Variants in C16orf96 observed in about 807,000 individuals in gnomAD.
The protein encoded by C16orf96 is chromosome 16 open reading frame 96.
Under a neutral mutation model 103.6 loss-of-function variants are expected in C16orf96, and 108 were observed. That is an observed-to-expected ratio of 1.04 (90% CI 0.89 to 1.22). C16orf96 has a LOEUF of 1.22. Ranked by LOEUF, C16orf96 falls within the 50% of genes most tolerant of loss-of-function variation. C16orf96 has a pLI of 0.00. For missense variants in C16orf96, 1,586 were observed against 1,464.2 expected (o/e 1.08, Z -1.36); for synonymous variants, 566 against 593.5 (o/e 0.95, Z 0.67).
chr16:4,553,692 C>G (rs977639361), upstream of C16orf96, among the ~76,000 whole-genome samples: 13 of 152,094 alleles, frequency 8.5e-5, no homozygotes, highest in Non-Finnish European at 1.6e-4. Flanking sequence ...TCAGGCTGCT[C>G]TCCAACTCCT....
chr16:4,585,959 A>T (rs1896918701), intron 7 of C16orf96, among the ~76,000 whole-genome samples: 1 of 152,150 alleles, frequency 6.6e-6, no homozygotes, highest in Non-Finnish European at 1.5e-5. Context: ...AGAGGGAAGG[A>T]TAGAAAACTA....
At position 4,592,293 on chromosome 16, in the gene C16orf96, T is replaced by C. The variant is rs967182185; in HGVS notation, c.2712-12T>C. 1 of 1,551,578 alleles carries C rather than the reference T, an allele frequency of 6.4e-7. No homozygotes were observed. Among genetic ancestry groups the C allele is most frequent in the Non-Finnish European group, 8.7e-7 (1 of 1,146,970 alleles). ...CAGCAGGGGCAGCGGCTGATGATCA[T>C]GTGCCTTTCAGGAAGCTGTTCAAGC... On this transcript the variant is annotated splice_polypyrimidine_tract_variant and intron_variant, in intron 10 of 15. Coordinates refer to ENST00000444310, the MANE Select transcript of C16orf96 (RefSeq NM_001145011.2).
intron 5 of C16orf96, among the ~76,000 whole-genome samples, chr16:4,576,912 C>T (rs564054081): frequency 5.3e-5 from 8 of 152,290 alleles, no homozygotes; most frequent in Admixed American, 4.6e-4. Flanking sequence ...ACTCTTGTGG[C>T]CAGGCGTGGT....
At chr16:4,559,309 G>A (rs1037840570) in intron 1 of C16orf96, among the ~76,000 whole-genome samples, 4 of 152,014 alleles carry the variant, frequency 2.6e-5, no homozygotes, top group Admixed American at 6.6e-5. Context: ...TTGGGAGGCC[G>A]AGGCAGGTGG....
At chr16:4,592,413 G>A in intron 11 of C16orf96, 46 bp downstream of exon 11, 3 of 1,547,742 alleles carry the variant, frequency 1.9e-6, no homozygotes, top group Non-Finnish European at 2.6e-6. Flanking sequence ...GGCTTGTGGG[G>A]CCCATGGAGG....
chr16:4,600,124 G>T lies in C16orf96; in HGVS notation c.3233G>T (p.Cys1078Phe). ...CPPLCPRSSA[C>F]SAASGPHLTM... ...GCCCTGTGCCCCCGCTCCAGTGCCT[G>T]CTCAGCTGCCTCGGGCCCTCACCTG... Residue 1078 changes from cysteine (C) to phenylalanine (F), a missense_variant, in exon 16 of 16, where the codon TGC becomes TTC. By Grantham distance (205) the Cys-to-Phe change is radical (BLOSUM62 -2). Transcript: ENST00000444310. The T allele has an allele frequency of 6.4e-7, 1 of 1,551,644 alleles. No homozygotes were observed. The highest frequency in any genetic ancestry group is 8.7e-7 in the Non-Finnish European group (1 of 1,147,144).
the C16orf96 span, among the ~76,000 whole-genome samples, chr16:4,541,983 A>G: frequency 6.6e-6 from 1 of 152,158 alleles, no homozygotes; most frequent in South Asian, 2.1e-4. Flanking sequence ...ATATGATTCG[A>G]TTGACATTTC....
At chr16:4,584,785 C>T (rs187622994) in intron 7 of C16orf96, among the ~76,000 whole-genome samples, 1 of 152,228 alleles carries the variant, frequency 6.6e-6, no homozygotes, top group Non-Finnish European at 1.5e-5. Context: ...TTGCCTGCCT[C>T]GGCCTCCCAA....
intron 14 of C16orf96, among the ~76,000 whole-genome samples, chr16:4,596,877 G>A (rs8050907): frequency 0.07 from 10,612 of 152,158 alleles, 685 homozygotes; most frequent in African/African-American, 0.17. Flanking sequence ...TTCTGGGGCC[G>A]ATGGCACTCC....
At chr16:4,552,685 C>T (rs13334411), upstream of C16orf96, among the ~76,000 whole-genome samples, 15,629 of 151,878 alleles carry the variant, frequency 0.1, 1,567 homozygotes, top group African/African-American at 0.26. Context: ...GGGTTCCGGT[C>T]GAGGGCTGGA....
chr16:4,593,360 G>A lies in C16orf96; in HGVS notation c.2867+44G>A, dbSNP rs890487085. Reference sequence around the variant, plus strand: ...CCGCAGGGAGGCCGCCCCGCATGGAGGCCACTCTGGAGCCTGGGAACCCTG... The same window carrying A: ...CCGCAGGGAGGCCGCCCCGCATGGAAGCCACTCTGGAGCCTGGGAACCCTG... On this transcript the variant is annotated intron_variant, in intron 12 of 15. Transcript: ENST00000444310. The surrounding 1 kb of genome is among the most constrained non-coding windows in gnomAD (Gnocchi z 4.2). The A allele has an allele frequency of 1.3e-6, 2 of 1,512,250 alleles. No individual in the cohort carries two copies. Among genetic ancestry groups the A allele is most frequent in the Admixed American group, 2.0e-5 (1 of 50,836 alleles). 93.7% of individuals were successfully genotyped at this position (1,512,250 alleles called of 1,614,324 possible). A position where few individuals can be genotyped will look rare whatever the true frequency, so the allele number is the denominator to read the frequency against.
chr16:4,563,671 C>T lies in C16orf96; in HGVS notation c.420+6762C>T, dbSNP rs534180294. On this transcript the variant is annotated intron_variant, in intron 1 of 15. Transcript: ENST00000444310. ...GCAGCCTCTGCCTCCTGGGTTCAAG[C>T]GATTCTCCTGCTTCAGCTTCCTGAG... Among the ~76,000 whole-genome samples the T allele has an allele frequency of 2.6e-5, 4 of 152,116 alleles. No individual in the cohort carries two copies. In the South Asian group the frequency reaches 6.2e-4, roughly 24 times the overall value.
chr16:4,572,321 A>ATTTT (rs2059448431), intron 2 of C16orf96, among the ~76,000 whole-genome samples: 1 of 5,950 alleles, frequency 1.7e-4, no homozygotes, highest in African/African-American at 2.9e-4. Flanking sequence ...TTTTTTTGAG[A>ATTTT]TGGAGTCTCG....
In C16orf96 at chr16:4,569,815, G is replaced by A. The variant is rs77890581; in HGVS notation, c.421-1746G>A. Among the ~76,000 whole-genome samples, 292 of 152,134 alleles carry A rather than the reference G, an allele frequency of 1.9e-3. 5 individuals carry two copies. In the East Asian group the frequency reaches 0.04, roughly 21 times the overall value. ...TTAAGAAACAGACTTAGAGACCAAA[G>A]CACGCCCCTTATAGGACTTTCACCT... On this transcript the variant is annotated intron_variant, in intron 1 of 15. Transcript: ENST00000444310.
At chr16:4,557,557 G>A (rs1335574512) in intron 1 of C16orf96, among the ~76,000 whole-genome samples, 1 of 152,192 alleles carries the variant, frequency 6.6e-6, no homozygotes, top group Non-Finnish European at 1.5e-5. Flanking sequence ...TCCTTTTGGG[G>A]TGATGAAAAT....
the C16orf96 span, among the ~76,000 whole-genome samples, chr16:4,540,498 C>T: frequency 5.3e-5 from 8 of 151,906 alleles, no homozygotes; most frequent in South Asian, 2.1e-4. Flanking sequence ...TTTGGGAGGC[C>T]GAGGCAGGCA....
At chr16:4,579,929 T>C in intron 6 of C16orf96, 86 bp from the exon 7 acceptor site, 1 of 1,157,886 alleles carries the variant, frequency 8.6e-7, no homozygotes, top group Non-Finnish European at 1.3e-6. Context: ...TACATTCTTC[T>C]TGGCCTCAAC....
intron 5 of C16orf96, among the ~76,000 whole-genome samples, chr16:4,578,660 A>AG (rs1330431839): frequency 1.3e-5 from 2 of 152,084 alleles, no homozygotes; most frequent in Non-Finnish European, 2.9e-5. Flanking sequence ...CGGGAGGCTG[A>AG]GGCAGGAGAA....
intron 1 of C16orf96, among the ~76,000 whole-genome samples, chr16:4,571,090 G>A (rs1336302259): frequency 6.6e-6 from 1 of 152,132 alleles, no homozygotes; most frequent in East Asian, 1.9e-4. Flanking sequence ...GGAGGTTGAG[G>A]CAGGAGAATC....
Sources: gnomAD v4.1 joint callset for allele counts (sites outside exome capture counted in the v4.1 genomes callset) on GRCh38, gnomAD v4.1.1 for gene constraint, Gnocchi (gnomAD v3.1) non-coding constraint, MANE v1.5 for transcripts, NCBI Gene and HGNC (gene_info 2026-07-23, HGNC 2026-07-21) for gene names.